The following LIMCH1 variants were observed in gnomAD, a reference collection of about 807,000 sequenced individuals.
The protein encoded by LIMCH1 is LIM and calponin homology domains 1.
A neutral mutation model predicts 176.5 loss-of-function variants in LIMCH1; 113 were observed. That is an observed-to-expected ratio of 0.64 (90% confidence interval 0.55 to 0.75). The LOEUF is 0.75. Ranked by LOEUF, LIMCH1 falls within the 30% of genes least tolerant of loss-of-function variation. LIMCH1 has a pLI of 0.00. For missense variants in LIMCH1, 1,674 were observed against 1,814.9 expected (o/e 0.92, Z 1.41); for synonymous variants, 619 against 645.9 (o/e 0.96, Z 0.63).
At chr4:41,472,500 A>G (rs1431139296) in intron 1 of LIMCH1, among the ~76,000 whole-genome samples, 1 of 151,834 alleles carries the variant, frequency 6.6e-6, no homozygotes, top group Admixed American at 6.6e-5. Flanking sequence ...GCTCACTGCA[A>G]CCTTTGCCTC....
chr4:41,689,456 T>C (rs1723623093), intron 29 of LIMCH1, 71 bp from the exon 30 acceptor site: 1 of 805,140 alleles, frequency 1.2e-6, no homozygotes, highest in Non-Finnish European at 2.2e-6. Context: ...TTGCATGAGG[T>C]TACATGTCTG....
intron 21 of LIMCH1, chr4:41,670,769 G>C (rs1448573590): frequency 6.5e-7 from 1 of 1,535,804 alleles, no homozygotes; most frequent in Non-Finnish European, 8.7e-7. Flanking sequence ...TCTTGGCGAC[G>C]ATCCCAGTTT....
intron 1 of LIMCH1, among the ~76,000 whole-genome samples, chr4:41,379,970 G>A (rs1209463775): frequency 6.6e-6 from 1 of 151,834 alleles, no homozygotes; most frequent in Non-Finnish European, 1.5e-5. Flanking sequence ...GGCTAATTTT[G>A]TATTTTTAGT....
rs184775235 is a variant in LIMCH1 at position 41,451,310 on chromosome 4, G to A, written c.97-43226G>A. On this transcript the variant is annotated intron_variant, in intron 1 of 26. Transcript: ENST00000313860. ...TTTTTTTTTTTTTGTATTTTTGGTAGAGACAGGTTTTCTCCATGTTGGTCA... is the reference window on the plus strand; with the variant it reads ...TTTTTTTTTTTTTGTATTTTTGGTAAAGACAGGTTTTCTCCATGTTGGTCA... Among the ~76,000 whole-genome samples the A allele has an allele frequency of 8.6e-3, 1,298 of 150,968 alleles. 11 individuals carry two copies. The highest frequency in any genetic ancestry group is 0.017 in the Middle Eastern group (5 of 294).
chr4:41,619,431 G>A lies in LIMCH1; in HGVS notation c.449G>A (p.Arg150Lys). 6.2e-7 allele frequency: 1 copy of A among 1,608,964 alleles called. No individual in the cohort carries two copies. The highest frequency in any genetic ancestry group is 8.5e-7 in the Non-Finnish European group (1 of 1,179,992). Reference protein sequence around the residue: ...STATSPLGGERPFSFPETIEE... With the variant: ...STATSPLGGEKPFSFPETIEE... ...GCCACCTCCCCGCTGGGTGGGGAGA[G>A]GCCCTTCAGGTAAGGCCTGAGCACC... The change falls in exon 6 of 32, where the codon AGG becomes AAG. Residue 150 changes from arginine to lysine, a missense_variant. Transcript: ENST00000503057.
chr4:41,419,670 T>G lies in LIMCH1; in HGVS notation c.96+58734T>G, dbSNP rs1243560980. 1.8e-3 allele frequency among the ~76,000 whole-genome samples: 128 copies of G among 70,148 alleles called. 2 individuals carry two copies. The highest frequency in any genetic ancestry group is 6.5e-3 in the African/African-American group (80 of 12,336). The allele number at this position is 70,148 out of a possible 152,430, so 46.0% of individuals were successfully genotyped here. ...TCTTCCTCCTTCCTTCCTTCCTTCC[T>G]TCCTTCCTTCCTCCTTCCTTCCTTC... is the stretch of plus-strand genomic sequence containing the variant. On this transcript the variant is annotated intron_variant, in intron 1 of 26. Transcript: ENST00000313860.
chr4:41,546,275 A>G (rs1183066367), intron 1 of LIMCH1, among the ~76,000 whole-genome samples: 2 of 151,996 alleles, frequency 1.3e-5, no homozygotes, highest in South Asian at 4.2e-4. Context: ...AGTAGCTGGG[A>G]GTACAGGTGT....
At chr4:41,451,979 A>T (rs1436652952) in intron 1 of LIMCH1, among the ~76,000 whole-genome samples, 1 of 152,164 alleles carries the variant, frequency 6.6e-6, no homozygotes, top group Non-Finnish European at 1.5e-5. Context: ...TTGCCTCCTC[A>T]TAAGCCCTAG....
At chr4:41,490,193 GTGGACCCACACAGTTCAAACC>G (rs1225871001) in intron 1 of LIMCH1, among the ~76,000 whole-genome samples, 2 of 151,898 alleles carry the variant, frequency 1.3e-5, no homozygotes, top group Non-Finnish European at 2.9e-5. Flanking sequence ...CCATGCGTAA[GTGGACCCACACAGTTCAAACC>G]TGTGTTGTTG....
intron 2 of LIMCH1, among the ~76,000 whole-genome samples, chr4:41,495,097 G>A (rs1350014741): frequency 1.3e-5 from 2 of 152,168 alleles, no homozygotes; most frequent in African/African-American, 2.4e-5. Context: ...AAATTTAAAT[G>A]TGAACAATAA....
intron 1 of LIMCH1, among the ~76,000 whole-genome samples, chr4:41,403,533 A>G (rs1250527246): frequency 6.6e-6 from 1 of 152,180 alleles, no homozygotes; most frequent in Non-Finnish European, 1.5e-5. Context: ...GTGAGCTGAG[A>G]TTGTGCCACT....
At chr4:41,416,436 G>A (rs1201901605) in intron 1 of LIMCH1, among the ~76,000 whole-genome samples, 1 of 151,916 alleles carries the variant, frequency 6.6e-6, no homozygotes, top group Admixed American at 6.6e-5. Context: ...TGGATCACTT[G>A]AGGTCAGGAA....
chr4:41,552,951 C>T (rs2080699296), intron 1 of LIMCH1, among the ~76,000 whole-genome samples: 1 of 152,080 alleles, frequency 6.6e-6, no homozygotes, highest in Admixed American at 6.6e-5. Flanking sequence ...AATAAAAGTG[C>T]AAAGTGCTTA....
chr4:41,596,930 TG>T (rs2088952735), intron 1 of LIMCH1, among the ~76,000 whole-genome samples: 1 of 152,142 alleles, frequency 6.6e-6, no homozygotes, highest in Non-Finnish European at 1.5e-5. Context: ...CCACCCTCAC[TG>T]GGGGAAAATA....
At chr4:41,603,991 G>A in intron 3 of LIMCH1, 86 bp downstream of exon 3, 1 of 1,197,184 alleles carries the variant, frequency 8.4e-7, no homozygotes, top group Non-Finnish European at 1.2e-6. Flanking sequence ...TGCCTTGCTG[G>A]AAAAAGTCCT....
At chr4:41,657,920 G>A (rs963341974) in intron 18 of LIMCH1, among the ~76,000 whole-genome samples, 2 of 152,090 alleles carry the variant, frequency 1.3e-5, no homozygotes, top group Admixed American at 6.5e-5. Context: ...TGAGTGGGAG[G>A]TAGAGGAAAG....
At chr4:41,597,748 C>A (rs1045230798) in intron 1 of LIMCH1, among the ~76,000 whole-genome samples, 7 of 152,198 alleles carry the variant, frequency 4.6e-5, no homozygotes, top group Non-Finnish European at 8.8e-5. Flanking sequence ...GATAATCTTT[C>A]TTTTGATTAA....
chr4:41,622,446 T>C (rs1446575828), intron 7 of LIMCH1, among the ~76,000 whole-genome samples: 2 of 152,176 alleles, frequency 1.3e-5, no homozygotes, highest in Non-Finnish European at 2.9e-5. Context: ...TTATATCACG[T>C]GTAAAGTCTT....
chr4:41,519,827 A>AT (rs887431938), intron 2 of LIMCH1, among the ~76,000 whole-genome samples: 4 of 152,322 alleles, frequency 2.6e-5, no homozygotes, highest in African/African-American at 9.6e-5. Flanking sequence ...GGCAAAGCTA[A>AT]TTTTAAATCC....
Sources: gnomAD v4.1 joint callset for allele counts (sites outside exome capture counted in the v4.1 genomes callset) on GRCh38, gnomAD v4.1.1 for gene constraint, MANE v1.5 for transcripts, NCBI Gene and HGNC (gene_info 2026-07-23, HGNC 2026-07-21) for gene names.